The following FBXL13 variants were observed in gnomAD, a reference collection of about 807,000 sequenced individuals.
The protein encoded by FBXL13 is F-box and leucine-rich repeat protein 13.
FBXL13 carries 67 observed loss-of-function variants against 83.6 expected under a neutral mutation model. The ratio of observed to expected loss-of-function variants is 0.80; its 90% CI spans 0.66 to 0.98. The LOEUF (loss-of-function observed/expected upper bound fraction) is 0.98. Ranked by LOEUF, FBXL13 falls within the 50% of genes least tolerant of loss-of-function variation. The probability of loss-of-function intolerance (pLI) is 0.00; values close to 1 mark genes in which losing one functional copy is unlikely to be tolerated. For synonymous variants in FBXL13, 272 were observed against 299.5 expected, an observed-to-expected ratio of 0.91 and a Z score of 0.95; for missense variants, 822 against 866.5, an observed-to-expected ratio of 0.95 and a Z score of 0.64.
intron 19 of FBXL13, among the ~76,000 whole-genome samples, chr7:102,818,534 T>A (rs1324859867): frequency 6.6e-6 from 1 of 152,188 alleles, no homozygotes; most frequent in African/African-American, 2.4e-5. Context: ...GCTTGAACCT[T>A]TCCATGAGCT....
intron 8 of FBXL13, among the ~76,000 whole-genome samples, chr7:102,948,000 T>G (rs2129476667): frequency 6.6e-6 from 1 of 152,274 alleles, no homozygotes; most frequent in Admixed American, 6.5e-5. Context: ...TCATGTCTGT[T>G]TCTGAGAAAT....
chr7:102,907,417 C>G, intron 11 of FBXL13, among the ~76,000 whole-genome samples: 1 of 151,750 alleles, frequency 6.6e-6, no homozygotes, highest in African/African-American at 2.4e-5. Context: ...TGTGCTGCAC[C>G]CATTAACTCA....
intron 16 of FBXL13, among the ~76,000 whole-genome samples, chr7:102,856,084 ATT>A (rs1273447137): frequency 1.3e-5 from 2 of 152,012 alleles, no homozygotes; most frequent in Non-Finnish European, 2.9e-5. Context: ...ATAAGTTTTT[ATT>A]TGTTTCTTCA....
intron 6 of FBXL13, among the ~76,000 whole-genome samples, chr7:102,985,575 A>T (rs554479320): frequency 9.2e-5 from 14 of 152,224 alleles, no homozygotes; most frequent in Non-Finnish European, 1.8e-4. Flanking sequence ...ATGTTTATGA[A>T]ATCAGTGAAT....
chr7:102,823,514 T>C lies in FBXL13; in HGVS notation c.1855-1311A>G, dbSNP rs189600895. Among the ~76,000 whole-genome samples, 252 of 152,296 alleles carry C rather than the reference T, an allele frequency of 1.7e-3. 2 individuals are homozygous for C. The highest frequency in any genetic ancestry group is 5.9e-3 in the African/African-American group (245 of 41,560). On this transcript the variant is annotated intron_variant, in intron 18 of 19. Coordinates refer to ENST00000313221, the Ensembl canonical transcript of FBXL13. Reference sequence around the variant, plus strand: ...CGCTCTGAAATATCCTGCCAAGGGTTCCAACATATCACAGTTTTGCCCAGA... The same window carrying C: ...CGCTCTGAAATATCCTGCCAAGGGTCCCAACATATCACAGTTTTGCCCAGA...
chr7:103,011,990 A>G (rs1327493902), intron 6 of FBXL13, among the ~76,000 whole-genome samples: 2 of 152,212 alleles, frequency 1.3e-5, no homozygotes, highest in Non-Finnish European at 2.9e-5. Context: ...ATTCAAATTC[A>G]GGAAATGCAG....
intron 16 of FBXL13, among the ~76,000 whole-genome samples, chr7:102,871,160 C>T (rs1274642502): frequency 6.6e-6 from 1 of 152,048 alleles, no homozygotes; most frequent in African/African-American, 2.4e-5. Context: ...CTATGCCCTC[C>T]TTGAGGATCT....
intron 5 of FBXL13, 36 bp downstream of exon 6, chr7:103,027,413 T>C: frequency 2.1e-6 from 3 of 1,426,786 alleles, no homozygotes; most frequent in Non-Finnish European, 2.9e-6. Context: ...AACTGAAACA[T>C]TCGGATTCTT....
At chr7:102,878,336 A>C (rs1424362467) in exon 15 of FBXL13, 3 of 1,600,516 alleles carry the variant, frequency 1.9e-6, no homozygotes, top group Non-Finnish European at 2.6e-6. Context: ...CATACCGCTC[A>C]GATAGTTTCA....
chr7:102,951,882 G>A (rs1423912376), intron 8 of FBXL13, among the ~76,000 whole-genome samples: 1 of 151,148 alleles, frequency 6.6e-6, no homozygotes, highest in African/African-American at 2.4e-5. Context: ...TAAAAATAAG[G>A]GTTTTTTTGA....
chr7:102,821,919 T>C, intron 19 of FBXL13, 121 bp downstream of exon 20: 1 of 1,141,528 alleles, frequency 8.8e-7, no homozygotes, highest in Admixed American at 2.3e-5. Flanking sequence ...AGGCAAAAAA[T>C]AAAATGAAAT....
Position 102,822,153 on chromosome 7 carries a change from G to GTGCAGGTAATGGCATTT in FBXL13, c.1888_1904dup (p.His635GlnfsTer27). 1 of 1,614,164 alleles carries GTGCAGGTAATGGCATTT rather than the reference G, an allele frequency of 6.2e-7. No homozygotes were observed. The highest frequency in any genetic ancestry group is 8.5e-7 in the Non-Finnish European group (1 of 1,179,986). ...AGACACAACCAGAGATATCCAAAAT[G>GTGCAGGTAATGGCATTT]TGCAGGTAATGGCATTTTGCCGATA... On this transcript the variant is annotated frameshift_variant, in exon 19 of 20. Coordinates refer to ENST00000313221, the Ensembl canonical transcript of FBXL13. LOFTEE classifies it high-confidence loss of function.
intron 17 of FBXL13, among the ~76,000 whole-genome samples, chr7:102,840,309 C>A (rs1335350932): frequency 6.6e-6 from 1 of 152,180 alleles, no homozygotes; most frequent in Non-Finnish European, 1.5e-5. Context: ...GATTGAATTA[C>A]CCAAATGGCA....
At chr7:102,885,417 T>C (rs1395088203) in intron 11 of FBXL13, among the ~76,000 whole-genome samples, 3 of 152,212 alleles carry the variant, frequency 2.0e-5, no homozygotes, top group Admixed American at 6.5e-5. Flanking sequence ...TATGTCTTCT[T>C]TGGGAAAATG....
intron 2 of FBXL13, among the ~76,000 whole-genome samples, chr7:103,051,953 A>G (rs115266588): frequency 0.011 from 1,675 of 152,272 alleles, 35 homozygotes; most frequent in African/African-American, 0.039. Flanking sequence ...TCTACCTATT[A>G]AGCTAGGTTG....
In FBXL13 at chr7:102,913,209, G is replaced by T. The variant is rs1336256736; in HGVS notation, c.885C>A (p.Phe295Leu). The change falls in exon 11 of 20, where the codon TTC (phenylalanine) becomes TTA (leucine). Residue 295 changes from phenylalanine (F) to leucine (L), a missense_variant. Physicochemically the swap from Phe to Leu is conservative, Grantham distance 22. Coordinates refer to ENST00000313221, the Ensembl canonical transcript of FBXL13. ...CCAAACTAAGATTCTGTAAGTTGTG[G>T]AAGTGCCTGAAAAGACAAAAGAGAG... 6 of 1,614,014 alleles carry T rather than the reference G, an allele frequency of 3.7e-6. No homozygotes were observed. The African/African-American group carries it at 8.0e-5, about 22-fold the overall frequency.
intron 16 of FBXL13, among the ~76,000 whole-genome samples, chr7:102,862,985 C>T (rs1051947368): frequency 6.6e-6 from 1 of 152,226 alleles, no homozygotes; most frequent in East Asian, 1.9e-4. Flanking sequence ...TAGCCCAGAT[C>T]TCCCTCCTGA....
intron 1 of FBXL13, among the ~76,000 whole-genome samples, chr7:103,064,630 A>G (rs1175220117): frequency 6.6e-6 from 1 of 152,202 alleles, no homozygotes; most frequent in East Asian, 1.9e-4. Flanking sequence ...CACAATGGCC[A>G]TAACAGTATC....
At chr7:102,949,366 C>T (rs1823052506) in intron 8 of FBXL13, among the ~76,000 whole-genome samples, 1 of 152,020 alleles carries the variant, frequency 6.6e-6, no homozygotes, top group African/African-American at 2.4e-5. Flanking sequence ...ATAATTTAGT[C>T]ACCCAGGTAT....
Sources: gnomAD v4.1 joint callset for allele counts (sites outside exome capture counted in the v4.1 genomes callset) on GRCh38, gnomAD v4.1.1 for gene constraint, MANE v1.5 for transcripts, NCBI Gene and HGNC (gene_info 2026-07-23, HGNC 2026-07-21) for gene names.